TMEM178B: variants seen among roughly 807,000 people sequenced by gnomAD.
TMEM178B encodes the protein transmembrane protein 178B.
TMEM178B carries 5 observed loss-of-function variants against 31.0 expected under a neutral mutation model. The observed-to-expected ratio is 0.16, with a 90% CI of 0.08 to 0.34. The LOEUF (loss-of-function observed/expected upper bound fraction) is 0.34, where lower values mean the gene tolerates loss of function less well. Among genes scored for constraint, TMEM178B ranks in the 10% least tolerant of loss-of-function variants. The probability of loss-of-function intolerance (pLI) is 1.00; values close to 1 mark genes in which losing one functional copy is unlikely to be tolerated. For missense variants in TMEM178B, 275 were observed against 400.3 expected, an observed-to-expected ratio of 0.69 and a Z score of 2.67; for synonymous variants, 164 against 164.0, an observed-to-expected ratio of 1.00 and a Z score of 0.00.
chr7:141,255,677 T>A (rs1285779987), intron 2 of TMEM178B, among the ~76,000 whole-genome samples: 3 of 151,948 alleles, frequency 2.0e-5, no homozygotes, highest in Non-Finnish European at 4.4e-5. Flanking sequence ...GTAAAAAACC[T>A]AATCCTGTAC....
the TMEM178B span, among the ~76,000 whole-genome samples, chr7:141,502,742 C>T: frequency 6.7e-6 from 1 of 149,836 alleles, no homozygotes; most frequent in Non-Finnish European, 1.5e-5. Flanking sequence ...TGCACTCCAG[C>T]CTGGGCAACA....
At chr7:141,256,653 G>A (rs1460062653) in intron 2 of TMEM178B, among the ~76,000 whole-genome samples, 1 of 152,138 alleles carries the variant, frequency 6.6e-6, no homozygotes, top group Non-Finnish European at 1.5e-5. Context: ...TACTTGAAAG[G>A]TCTGCTCTGG....
intron 2 of TMEM178B, among the ~76,000 whole-genome samples, chr7:141,336,312 T>C (rs535405629): frequency 6.6e-6 from 1 of 152,232 alleles, no homozygotes; most frequent in Non-Finnish European, 1.5e-5. Context: ...CATTTCCTCA[T>C]CTATTAAACT....
chr7:141,242,987 TTTC>T (rs753067210), intron 2 of TMEM178B, among the ~76,000 whole-genome samples: 420 of 152,286 alleles, frequency 2.8e-3, no homozygotes, highest in Non-Finnish European at 3.7e-3. Flanking sequence ...TGCATCTGAT[TTTC>T]TTCTTGAACT....
intron 2 of TMEM178B, among the ~76,000 whole-genome samples, chr7:141,238,255 C>T (rs1357433537): frequency 1.3e-5 from 2 of 151,946 alleles, no homozygotes; most frequent in Non-Finnish European, 2.9e-5. Context: ...GGAGTTAGAT[C>T]CAAGTCCAGG....
intron 1 of TMEM178B, among the ~76,000 whole-genome samples, chr7:141,160,960 T>G (rs1796160058): frequency 6.6e-6 from 1 of 152,104 alleles, no homozygotes; most frequent in Non-Finnish European, 1.5e-5. Flanking sequence ...CAGGTTCAAG[T>G]GATTCTTCTG....
rs976542726 is a variant in TMEM178B at position 141,363,157 on chromosome 7, G to C, written c.497-74451G>C. On this transcript the variant is annotated intron_variant, in intron 2 of 3. Transcript: ENST00000565468. ...ATAGCTCATTAATGCTTGGAAAAAA[G>C]AGCGAGCGAGTGTTAATGTGAGTCA... Among the ~76,000 whole-genome samples, 4 of 152,318 alleles carry C rather than the reference G, an allele frequency of 2.6e-5. No individual in the cohort carries two copies. In the East Asian group the frequency reaches 7.7e-4, roughly 29 times the overall value.
At chr7:141,111,067 G>A (rs1279115201) in intron 1 of TMEM178B, among the ~76,000 whole-genome samples, 1 of 152,150 alleles carries the variant, frequency 6.6e-6, no homozygotes, top group East Asian at 1.9e-4. Context: ...CAGTGTATTA[G>A]TCGGTTCTCA....
At chr7:141,219,484 T>G (rs1430986059) in intron 2 of TMEM178B, among the ~76,000 whole-genome samples, 1 of 151,954 alleles carries the variant, frequency 6.6e-6, no homozygotes, top group Non-Finnish European at 1.5e-5. Context: ...TCCACAGGGG[T>G]CATCACTAGC....
At chr7:141,419,942 C>G (rs1021202470) in intron 2 of TMEM178B, among the ~76,000 whole-genome samples, 3 of 152,158 alleles carry the variant, frequency 2.0e-5, no homozygotes, top group Admixed American at 6.5e-5. Context: ...TACTCTTTCT[C>G]CTATTCATCA....
intron 2 of TMEM178B, among the ~76,000 whole-genome samples, chr7:141,405,829 A>T (rs2116626537): frequency 6.6e-6 from 1 of 152,308 alleles, no homozygotes; most frequent in South Asian, 2.1e-4. Context: ...TGGAGTGGCG[A>T]TGGGGCTTCC....
chr7:141,413,175 T>C (rs1801027711), intron 2 of TMEM178B, among the ~76,000 whole-genome samples: 1 of 152,240 alleles, frequency 6.6e-6, no homozygotes, highest in Non-Finnish European at 1.5e-5. Context: ...CCCCATCCTC[T>C]GCCTGACATT....
chr7:141,078,496 T>C (rs1300209524), intron 1 of TMEM178B, among the ~76,000 whole-genome samples: 1 of 152,188 alleles, frequency 6.6e-6, no homozygotes, highest in Non-Finnish European at 1.5e-5. Context: ...TACACATGTA[T>C]TGTGTTATGG....
intron 1 of TMEM178B, among the ~76,000 whole-genome samples, chr7:141,204,987 AT>A (rs935923563): frequency 2.0e-5 from 3 of 152,066 alleles, no homozygotes; most frequent in African/African-American, 7.2e-5. Flanking sequence ...CACTCGGCTA[AT>A]TTTTAAAAGT....
At chr7:141,241,367 G>A (rs995288760) in intron 2 of TMEM178B, among the ~76,000 whole-genome samples, 9 of 151,826 alleles carry the variant, frequency 5.9e-5, no homozygotes, top group Admixed American at 2.0e-4. Context: ...TGAGGTGGGC[G>A]GATCACCTGA....
intron 2 of TMEM178B, among the ~76,000 whole-genome samples, chr7:141,436,691 T>C (rs888854701): frequency 2.0e-5 from 3 of 151,740 alleles, no homozygotes; most frequent in Admixed American, 6.6e-5. Flanking sequence ...CAGCTCTGGC[T>C]GCCTCTGCGT....
intron 2 of TMEM178B, among the ~76,000 whole-genome samples, chr7:141,298,398 A>C (rs573490050): frequency 6.6e-6 from 1 of 152,194 alleles, no homozygotes; most frequent in Admixed American, 6.5e-5. Flanking sequence ...TTTGTTGCTA[A>C]AACATACTCC....
intron 2 of TMEM178B, among the ~76,000 whole-genome samples, chr7:141,261,747 G>A (rs1798015682): frequency 1.3e-5 from 2 of 152,156 alleles, no homozygotes; most frequent in Non-Finnish European, 2.9e-5. Flanking sequence ...GAGTCCAAAA[G>A]TGAAAAGAAG....
Position 141,441,999 on chromosome 7 carries a change from G to A in TMEM178B, c.634+4254G>A, listed in dbSNP as rs142773713. Among the ~76,000 whole-genome samples the A allele has an allele frequency of 2.0e-3, 307 of 152,256 alleles. 2 individuals carry two copies. Among genetic ancestry groups the A allele is most frequent in the African/African-American group, 6.0e-3 (248 of 41,546 alleles). Reference sequence around the variant, plus strand: ...GGCAGGGCCTTCAGGGGAGAATCTCGCCCAGACTGGCACAACACCATTTGT... The same window carrying A: ...GGCAGGGCCTTCAGGGGAGAATCTCACCCAGACTGGCACAACACCATTTGT... On this transcript the variant is annotated intron_variant, in intron 3 of 3. Coordinates refer to ENST00000565468, the MANE Select transcript of TMEM178B (RefSeq NM_001195278.2).
Sources: gnomAD v4.1 joint callset for allele counts (sites outside exome capture counted in the v4.1 genomes callset) on GRCh38, gnomAD v4.1.1 for gene constraint, MANE v1.5 for transcripts, NCBI Gene and HGNC (gene_info 2026-07-23, HGNC 2026-07-21) for gene names.